Variants in FSHR observed in about 807,000 individuals in gnomAD.
FSHR encodes the protein follicle-stimulating hormone receptor.
Under a neutral mutation model 52.1 loss-of-function variants are expected in FSHR, and 46 were observed. The observed-to-expected ratio is 0.88, with a 90% confidence interval of 0.70 to 1.13. The LOEUF (loss-of-function observed/expected upper bound fraction) is 1.13. Ranked by LOEUF, FSHR falls within the 50% of genes most tolerant of loss-of-function variation. FSHR has a pLI of 0.00. For missense variants in FSHR, 964 were observed against 834.6 expected (o/e 1.16, Z -1.91); for synonymous variants, 399 against 309.6 (o/e 1.29, Z -3.03).
chr2:49,132,164 C>A (rs1327822231), intron 1 of FSHR, among the ~76,000 whole-genome samples: 1 of 152,112 alleles, frequency 6.6e-6, no homozygotes, highest in African/African-American at 2.4e-5. Context: ...GTTACATGTT[C>A]TGGATGATGT....
At chr2:49,064,437 G>A (rs923286161) in intron 2 of FSHR, among the ~76,000 whole-genome samples, 3 of 151,994 alleles carry the variant, frequency 2.0e-5, no homozygotes, top group Non-Finnish European at 4.4e-5. Flanking sequence ...TGCCACGTAG[G>A]GACATGTTTG....
intron 2 of FSHR, among the ~76,000 whole-genome samples, chr2:49,032,896 T>A (rs1478622294): frequency 6.6e-6 from 1 of 152,218 alleles, no homozygotes; most frequent in Non-Finnish European, 1.5e-5. Flanking sequence ...AAAATATAAG[T>A]ATTTGGAGAA....
intron 1 of FSHR, among the ~76,000 whole-genome samples, chr2:49,132,973 A>AT (rs1672342131): frequency 1.0e-5 from 1 of 97,404 alleles, no homozygotes; most frequent in African/African-American, 4.3e-5. Context: ...CTCAGTAAAA[A>AT]AAAAAAAAAA....
intron 2 of FSHR, among the ~76,000 whole-genome samples, chr2:49,060,319 C>A (rs1318350579): frequency 6.6e-6 from 1 of 152,092 alleles, no homozygotes; most frequent in Non-Finnish European, 1.5e-5. Flanking sequence ...ACCATATGAT[C>A]CCATTAGGTA....
chr2:49,134,178 G>T (rs1282633349), intron 1 of FSHR, among the ~76,000 whole-genome samples: 1 of 152,158 alleles, frequency 6.6e-6, no homozygotes, highest in Non-Finnish European at 1.5e-5. Context: ...ATCTGATAAA[G>T]TGCTAATATC....
chr2:49,059,668 C>G (rs1211515882), intron 2 of FSHR: 1 of 152,410 alleles, frequency 6.6e-6, no homozygotes. Context: ...TTATATCAAC[C>G]TAACAGATGC....
At chr2:48,977,309 G>T (rs1364788470) in intron 8 of FSHR, among the ~76,000 whole-genome samples, 1 of 152,164 alleles carries the variant, frequency 6.6e-6, no homozygotes, top group Non-Finnish European at 1.5e-5. Context: ...GACGGGATTA[G>T]ATCTCTGAGC....
intron 2 of FSHR, among the ~76,000 whole-genome samples, chr2:49,030,992 C>T (rs1340175288): frequency 1.3e-5 from 2 of 152,182 alleles, no homozygotes; most frequent in African/African-American, 2.4e-5. Context: ...AATAAGAAGA[C>T]TGGATTATTT....
intron 1 of FSHR, among the ~76,000 whole-genome samples, chr2:49,072,275 T>C (rs528759887): frequency 7.9e-5 from 12 of 152,148 alleles, no homozygotes; most frequent in African/African-American, 2.6e-4. Context: ...TTTTAAGTCA[T>C]ACATGGGTCA....
chr2:49,102,302 G>A (rs1261848038), intron 1 of FSHR, among the ~76,000 whole-genome samples: 2 of 152,064 alleles, frequency 1.3e-5, no homozygotes, highest in African/African-American at 2.4e-5. Flanking sequence ...GAAGGTGTGG[G>A]GGCAGCACAG....
At chr2:49,059,069 G>A (rs764041898) in intron 2 of FSHR, among the ~76,000 whole-genome samples, 2 of 152,026 alleles carry the variant, frequency 1.3e-5, no homozygotes, top group African/African-American at 4.8e-5. Flanking sequence ...GCTGAGTATG[G>A]TGGCACATGC....
intron 1 of FSHR, among the ~76,000 whole-genome samples, chr2:49,152,466 G>T (rs1240493245): frequency 2.0e-5 from 3 of 152,014 alleles, no homozygotes; most frequent in African/African-American, 7.2e-5. Context: ...GCTTTAGGGT[G>T]TGGGGGTGGA....
chr2:49,092,298 A>T (rs1232552613), intron 1 of FSHR, among the ~76,000 whole-genome samples: 1 of 152,196 alleles, frequency 6.6e-6, no homozygotes, highest in Non-Finnish European at 1.5e-5. Context: ...TTCTATGTAG[A>T]CAATCAGGTA....
intron 2 of FSHR, among the ~76,000 whole-genome samples, chr2:49,030,315 T>TGTGTGTGTGTG (rs1558400395): frequency 2.8e-5 from 4 of 143,686 alleles, no homozygotes; most frequent in Admixed American, 7.1e-5. Flanking sequence ...TGTGTGTGTG[T>TGTGTGTGTGTG]TATTGGAGGC....
intron 9 of FSHR, among the ~76,000 whole-genome samples, chr2:48,966,429 G>C (rs1360035780): frequency 6.6e-6 from 1 of 152,116 alleles, no homozygotes; most frequent in African/African-American, 2.4e-5. Context: ...ACAGAATTAT[G>C]ACAAGGAAAT....
At chr2:49,096,936 A>G (rs763558024) in intron 1 of FSHR, among the ~76,000 whole-genome samples, 3 of 152,154 alleles carry the variant, frequency 2.0e-5, no homozygotes, top group Non-Finnish European at 2.9e-5. Flanking sequence ...ACCTTCTGCC[A>G]TGATTATAAG....
At chr2:49,033,576 G>A (rs2104261849) in intron 2 of FSHR, among the ~76,000 whole-genome samples, 1 of 152,228 alleles carries the variant, frequency 6.6e-6, no homozygotes, top group Admixed American at 6.5e-5. Flanking sequence ...CGGATGGTCT[G>A]CAACCAAGCT....
chr2:49,124,165 T>C (rs1308918735), intron 1 of FSHR, among the ~76,000 whole-genome samples: 1 of 151,302 alleles, frequency 6.6e-6, no homozygotes, highest in Non-Finnish European at 1.5e-5. Flanking sequence ...GCTAATTTTT[T>C]TTTTTTTTTT....
intron 2 of FSHR, among the ~76,000 whole-genome samples, chr2:49,027,991 A>G (rs931726930): frequency 1.3e-5 from 2 of 152,134 alleles, no homozygotes; most frequent in Non-Finnish European, 2.9e-5. Flanking sequence ...ATGAAAGACA[A>G]GGAGTTTGGT....
Sources: gnomAD v4.1 joint callset for allele counts (sites outside exome capture counted in the v4.1 genomes callset) on GRCh38, gnomAD v4.1.1 for gene constraint, MANE v1.5 for transcripts, NCBI Gene and HGNC (gene_info 2026-07-23, HGNC 2026-07-21) for gene names.